MCC: variants seen among roughly 807,000 people sequenced by gnomAD.
The protein encoded by MCC is MCC regulator of Wnt signaling pathway.
In MCC, 90 loss-of-function variants were observed where a neutral mutation model predicts 116.2. The observed-to-expected ratio is 0.77, with a 90% CI of 0.65 to 0.92. The LOEUF (loss-of-function observed/expected upper bound fraction) is 0.92. Ranked by LOEUF, MCC falls within the 40% of genes least tolerant of loss-of-function variation. The pLI is 0.00. For synonymous variants in MCC, 578 were observed against 510.5 expected (o/e 1.13, Z -1.78); for missense variants, 1,516 against 1,312.2 (o/e 1.16, Z -2.40).
At chr5:113,127,938 T>G (rs907202840) in intron 5 of MCC, among the ~76,000 whole-genome samples, 2 of 152,216 alleles carry the variant, frequency 1.3e-5, no homozygotes, top group African/African-American at 4.8e-5. Context: ...CAGAATGAAA[T>G]TGCCTAGGTT....
At chr5:113,330,106 C>G (rs765688522) in intron 3 of MCC, among the ~76,000 whole-genome samples, 2 of 152,206 alleles carry the variant, frequency 1.3e-5, no homozygotes, top group Non-Finnish European at 2.9e-5. Flanking sequence ...GAGTCTCAGT[C>G]AATCACAGGC....
chr5:113,417,211 G>A lies in MCC; in HGVS notation c.171-31999C>T, dbSNP rs541699703. 1.6e-4 allele frequency among the ~76,000 whole-genome samples: 25 copies of A among 152,106 alleles called. No individual in the cohort carries two copies. In the South Asian group the frequency reaches 3.3e-3, roughly 20 times the overall value. ...TCTCAATCTCCTGACCTCATGATCC[G>A]CCCACCTAGGCCTCCCAAAGTGCTG... On this transcript the variant is annotated intron_variant, in intron 1 of 18. Transcript: ENST00000408903.
intron 5 of MCC, among the ~76,000 whole-genome samples, chr5:113,123,408 G>T (rs1052890840): frequency 3.3e-5 from 5 of 152,180 alleles, no homozygotes; most frequent in Admixed American, 1.3e-4. Flanking sequence ...TAGAACTAGG[G>T]GGTAGGAAGA....
At chr5:113,257,650 C>T (rs10519347) in intron 3 of MCC, among the ~76,000 whole-genome samples, 46,413 of 151,880 alleles carry the variant, frequency 0.31, 7,348 homozygotes, top group African/African-American at 0.34. Flanking sequence ...AAATAAGCTA[C>T]GGATAAGAGG....
At chr5:113,431,560 AG>A (rs1194089538) in intron 1 of MCC, among the ~76,000 whole-genome samples, 1 of 152,108 alleles carries the variant, frequency 6.6e-6, no homozygotes, top group Non-Finnish European at 1.5e-5. Context: ...GGGTGGGTGA[AG>A]GGCTTCCTGG....
intron 3 of MCC, among the ~76,000 whole-genome samples, chr5:113,209,915 T>G (rs1763056823): frequency 6.6e-6 from 1 of 152,182 alleles, no homozygotes; most frequent in South Asian, 2.1e-4. Context: ...ATAAATGATG[T>G]GTCTAGAGTG....
At chr5:113,388,543 C>A (rs1769327601) in intron 1 of MCC, among the ~76,000 whole-genome samples, 1 of 152,078 alleles carries the variant, frequency 6.6e-6, no homozygotes, top group African/African-American at 2.4e-5. Flanking sequence ...TTAGTTCACA[C>A]AAGAGCTGGT....
At chr5:113,126,164 G>C (rs918209761) in intron 5 of MCC, among the ~76,000 whole-genome samples, 1 of 152,132 alleles carries the variant, frequency 6.6e-6, no homozygotes, top group Non-Finnish European at 1.5e-5. Context: ...TGCTTTAAGA[G>C]ATGCAACCAT....
At chr5:113,461,582 G>C (rs758296912) in intron 1 of MCC, among the ~76,000 whole-genome samples, 1 of 152,000 alleles carries the variant, frequency 6.6e-6, no homozygotes, top group African/African-American at 2.4e-5. Context: ...GAGTTGGGAG[G>C]ACTGCTTGAG....
chr5:113,059,833 C>T (rs912607077), intron 14 of MCC, among the ~76,000 whole-genome samples: 64 of 152,150 alleles, frequency 4.2e-4, no homozygotes, highest in African/African-American at 1.5e-3. Context: ...TGGTTCGGGA[C>T]GGTTCGGGCC....
At chr5:113,135,237 C>T (rs1479818666) in intron 5 of MCC, among the ~76,000 whole-genome samples, 28 of 147,690 alleles carry the variant, frequency 1.9e-4, no homozygotes, top group Non-Finnish European at 3.0e-4. Context: ...TGTGCCCAGT[C>T]GGTCTTTTAC....
Position 113,022,140 on chromosome 5 carries a change from G to A in MCC, c.*5162C>T, listed in dbSNP as rs1750177469. On this transcript the variant is annotated 3_prime_UTR_variant, in exon 19 of 19. Coordinates refer to ENST00000408903, the MANE Select transcript of MCC (RefSeq NM_001085377.2). ...AAATATTTATTCAGAATATAAGAATGTTTGTAAAATATTATAAATGTCTCT... is the reference window on the plus strand; with the variant it reads ...AAATATTTATTCAGAATATAAGAATATTTGTAAAATATTATAAATGTCTCT... 6.6e-6 allele frequency: 1 copy of A among 152,516 alleles called. No homozygotes were observed. Among genetic ancestry groups the A allele is most frequent in the Non-Finnish European group, 1.5e-5 (1 of 68,020 alleles). 9.4% of individuals were successfully genotyped at this position (152,516 alleles called of 1,614,324 possible). A position where few individuals can be genotyped will look rare whatever the true frequency, so the allele number is the denominator to read the frequency against.
At position 113,110,622 on chromosome 5, in the gene MCC, G is replaced by T. The variant is rs576324793; in HGVS notation, c.1028-6267C>A. Among the ~76,000 whole-genome samples, 12 of 152,296 alleles carry T rather than the reference G, an allele frequency of 7.9e-5. No homozygotes were observed. In the East Asian group the frequency reaches 2.3e-3, roughly 29 times the overall value. Reference sequence around the variant, plus strand: ...AGCACAAGGTAAAGGGAACTCTGGGGAGTGCTAAGTTCACGTAATCTTGGC... The same window carrying T: ...AGCACAAGGTAAAGGGAACTCTGGGTAGTGCTAAGTTCACGTAATCTTGGC... On this transcript the variant is annotated intron_variant, in intron 6 of 18. Coordinates refer to ENST00000408903, the MANE Select transcript of MCC (RefSeq NM_001085377.2).
intron 2 of MCC, among the ~76,000 whole-genome samples, chr5:113,372,239 A>C (rs1768853228): frequency 6.6e-6 from 1 of 152,232 alleles, no homozygotes; most frequent in Non-Finnish European, 1.5e-5. Context: ...GAAGTGATTA[A>C]TGCCATTAAG....
intron 3 of MCC, among the ~76,000 whole-genome samples, chr5:113,230,590 C>T (rs570158087): frequency 6.6e-6 from 1 of 152,212 alleles, no homozygotes; most frequent in East Asian, 1.9e-4. Flanking sequence ...ACTGATCCAA[C>T]AAGAATTAAG....
chr5:113,256,173 C>T (rs572197447), intron 3 of MCC, among the ~76,000 whole-genome samples: 316 of 152,324 alleles, frequency 2.1e-3, no homozygotes, highest in African/African-American at 7.2e-3. Context: ...TGCACCAACC[C>T]TATCTCTTTA....
chr5:113,295,010 G>A, intron 3 of MCC: 3 of 968,256 alleles, frequency 3.1e-6, no homozygotes, highest in Non-Finnish European at 3.7e-6. Context: ...GGGCTAGAGG[G>A]AGAAAAGGGT....
intron 2 of MCC, among the ~76,000 whole-genome samples, chr5:113,362,364 T>C (rs1768571695): frequency 6.6e-6 from 1 of 152,194 alleles, no homozygotes; most frequent in African/African-American, 2.4e-5. Context: ...TCGAGACTTG[T>C]TTTATGGCCT....
intron 4 of MCC, among the ~76,000 whole-genome samples, chr5:113,150,333 A>T (rs1372136525): frequency 6.6e-6 from 1 of 152,214 alleles, no homozygotes; most frequent in East Asian, 1.9e-4. Context: ...ACAGAAAAAT[A>T]CTGACGTCAA....
Sources: gnomAD v4.1 joint callset for allele counts (sites outside exome capture counted in the v4.1 genomes callset) on GRCh38, gnomAD v4.1.1 for gene constraint, MANE v1.5 for transcripts, NCBI Gene and HGNC (gene_info 2026-07-23, HGNC 2026-07-21) for gene names.